The following RGL1 variants were observed in gnomAD, a reference collection of about 807,000 sequenced individuals.
RGL1 encodes the protein ral guanine nucleotide dissociation stimulator like 1, also known as ral guanine nucleotide dissociation stimulator-like 1.
A neutral mutation model predicts 95.2 loss-of-function variants in RGL1; 24 were observed. The ratio of observed to expected loss-of-function variants is 0.25; its 90% CI spans 0.18 to 0.35. The LOEUF (loss-of-function observed/expected upper bound fraction) is 0.35, where lower values mean the gene tolerates loss of function less well. Ranked by LOEUF, RGL1 falls within the 10% of genes least tolerant of loss-of-function variation. The pLI, the probability that RGL1 is intolerant of heterozygous loss-of-function variation, is 1.00. For synonymous variants in RGL1, 329 were observed against 344.9 expected (o/e 0.95, Z 0.51); for missense variants, 715 against 936.3 (o/e 0.76, Z 3.08).
At chr1:183,698,925 G>A (rs1413761904) in intron 1 of RGL1, among the ~76,000 whole-genome samples, 1 of 152,196 alleles carries the variant, frequency 6.6e-6, no homozygotes, top group Non-Finnish European at 1.5e-5. Flanking sequence ...TGTATTGAGT[G>A]TTTTTCAAGG....
At chr1:183,701,239 C>T (rs1448576450) in intron 1 of RGL1, among the ~76,000 whole-genome samples, 1 of 152,184 alleles carries the variant, frequency 6.6e-6, no homozygotes, top group Non-Finnish European at 1.5e-5. Context: ...AATCCACTGT[C>T]CCAGGGACTT....
chr1:183,654,548 G>A (rs1651000520), intron 1 of RGL1, among the ~76,000 whole-genome samples: 1 of 152,196 alleles, frequency 6.6e-6, no homozygotes, highest in Non-Finnish European at 1.5e-5. Context: ...CCCGCTAGCT[G>A]AAGAATCAAG....
At chr1:183,647,230 T>G (rs60195243) in intron 1 of RGL1, 2 of 154,024 alleles carry the variant, frequency 1.3e-5, no homozygotes, top group Admixed American at 6.4e-5. Flanking sequence ...TAACAATTAA[T>G]AGAAAATCAC....
intron 2 of RGL1, among the ~76,000 whole-genome samples, chr1:183,787,534 G>A (rs1423448845): frequency 2.0e-5 from 3 of 152,148 alleles, no homozygotes; most frequent in African/African-American, 7.2e-5. Flanking sequence ...CCAGACATGT[G>A]CCAGACCTGT....
intron 1 of RGL1, among the ~76,000 whole-genome samples, chr1:183,660,197 A>G (rs1265713477): frequency 6.6e-6 from 1 of 152,204 alleles, no homozygotes; most frequent in East Asian, 1.9e-4. Flanking sequence ...GATCAAATTC[A>G]CCCATAACAA....
chr1:183,903,316 A>G lies in RGL1; in HGVS notation c.1350+716A>G, dbSNP rs555492659. On this transcript the variant is annotated intron_variant, in intron 12 of 17. Transcript: ENST00000360851. ...GTTATTCTTTCCCTTTCGTGTCAGC[A>G]TAGGAAGGTGTGCTCAACATCAATT... 4.6e-5 allele frequency among the ~76,000 whole-genome samples: 7 copies of G among 152,290 alleles called. No homozygotes were observed. In the South Asian group the frequency reaches 1.5e-3, roughly 32 times the overall value.
intron 2 of RGL1, among the ~76,000 whole-genome samples, chr1:183,789,957 C>T (rs995066408): frequency 6.6e-6 from 1 of 151,624 alleles, no homozygotes; most frequent in South Asian, 2.1e-4. Context: ...GAGTCTCACT[C>T]TTGCCCAGGC....
At chr1:183,750,402 A>G (rs959015717) in intron 2 of RGL1, among the ~76,000 whole-genome samples, 8 of 152,102 alleles carry the variant, frequency 5.3e-5, no homozygotes, top group Admixed American at 5.2e-4. Context: ...TGTGTTTTTC[A>G]GCTCTATCAG....
At chr1:183,689,198 G>C (rs1653793747) in intron 1 of RGL1, among the ~76,000 whole-genome samples, 1 of 151,930 alleles carries the variant, frequency 6.6e-6, no homozygotes, top group Admixed American at 6.6e-5. Flanking sequence ...TTAGTATTTT[G>C]AAATTCATAT....
chr1:183,806,115 A>G (rs1661318729), intron 1 of RGL1, among the ~76,000 whole-genome samples: 1 of 150,660 alleles, frequency 6.6e-6, no homozygotes, highest in Non-Finnish European at 1.5e-5. Flanking sequence ...ACTATTTAAG[A>G]TATGTGAGCA....
intron 3 of RGL1, among the ~76,000 whole-genome samples, chr1:183,858,387 A>G (rs1288460094): frequency 1.3e-5 from 2 of 152,162 alleles, no homozygotes; most frequent in Non-Finnish European, 2.9e-5. Context: ...AAATTCATCT[A>G]GAGACCCTGG....
At chr1:183,838,322 C>G (rs1377128864) in intron 2 of RGL1, among the ~76,000 whole-genome samples, 1 of 152,152 alleles carries the variant, frequency 6.6e-6, no homozygotes, top group Non-Finnish European at 1.5e-5. Context: ...ACACAGCTTC[C>G]TGTTTCCTTC....
intron 2 of RGL1, among the ~76,000 whole-genome samples, chr1:183,770,195 T>C (rs1253036687): frequency 1.3e-5 from 2 of 152,150 alleles, no homozygotes; most frequent in Admixed American, 1.3e-4. Flanking sequence ...ATTCCCCTAA[T>C]TGAGAGGAGC....
At chr1:183,726,211 A>G (rs2102217761) in intron 1 of RGL1, among the ~76,000 whole-genome samples, 1 of 152,186 alleles carries the variant, frequency 6.6e-6, no homozygotes, top group South Asian at 2.1e-4. Context: ...TCTATAAGCA[A>G]CAGGCCAAGC....
chr1:183,644,707 C>T (rs182438431), intron 1 of RGL1, among the ~76,000 whole-genome samples: 3 of 151,958 alleles, frequency 2.0e-5, no homozygotes, highest in Non-Finnish European at 2.9e-5. Context: ...AAAACCAATA[C>T]GAAGAGTAAG....
At chr1:183,849,506 T>TG (rs1664689182) in intron 3 of RGL1, among the ~76,000 whole-genome samples, 1 of 140,052 alleles carries the variant, frequency 7.1e-6, no homozygotes, top group African/African-American at 2.9e-5. Context: ...TTTTTTTTTT[T>TG]GTTGAGATGG....
Position 183,927,762 on chromosome 1 carries a change from C to T in RGL1, c.*1470C>T, listed in dbSNP as rs1669695689. ...ATTCTCAAAATACCAGTTTTTATTC[C>T]AAAAATTTAGAGAACAAACCCGGAA... On this transcript the variant is annotated 3_prime_UTR_variant, in exon 18 of 18. Coordinates refer to ENST00000360851, the MANE Select transcript of RGL1 (RefSeq NM_001297671.3). The T allele has an allele frequency of 6.6e-6, 1 of 152,424 alleles. No homozygotes were observed. The highest frequency in any genetic ancestry group is 2.1e-4 in the South Asian group (1 of 4,810). The allele number at this position is 152,424 out of a possible 1,614,324, so 9.4% of individuals were successfully genotyped here. A position where few individuals can be genotyped will look rare whatever the true frequency, so the allele number is the denominator to read the frequency against.
chr1:183,833,408 C>A (rs747203301), intron 2 of RGL1, among the ~76,000 whole-genome samples: 1 of 152,114 alleles, frequency 6.6e-6, no homozygotes, highest in Non-Finnish European at 1.5e-5. Flanking sequence ...TTTAGAATCA[C>A]CTAGGATGCT....
chr1:183,770,174 A>G (rs1182810622), intron 2 of RGL1, among the ~76,000 whole-genome samples: 1 of 152,158 alleles, frequency 6.6e-6, no homozygotes, highest in African/African-American at 2.4e-5. Context: ...GCAAAAGGAA[A>G]CTCCTTCAGA....
Sources: allele counts gnomAD v4.1 joint callset (sites outside exome capture counted in the v4.1 genomes callset), GRCh38; gene constraint gnomAD v4.1.1; transcripts MANE v1.5; gene names NCBI Gene and HGNC (gene_info 2026-07-23, HGNC 2026-07-21).